The following COL26A1 variants were observed in gnomAD, a reference collection of about 807,000 sequenced individuals.
The protein encoded by COL26A1 is collagen type XXVI alpha 1 chain, also known as collagen alpha-1(XXVI) chain.
A neutral mutation model predicts 59.3 loss-of-function variants in COL26A1; 41 were observed. The observed-to-expected ratio is 0.69, with a 90% CI of 0.54 to 0.90. COL26A1 has a LOEUF of 0.90. COL26A1 is among the 40% of genes least tolerant of loss of function. COL26A1 has a pLI of 0.00. For synonymous variants in COL26A1, 266 were observed against 256.0 expected (o/e 1.04, Z -0.37); for missense variants, 612 against 602.3 (o/e 1.02, Z -0.17).
intron 9 of COL26A1, 119 bp from the exon 10 acceptor site, chr7:101,550,989 C>T (rs576064138): frequency 8.5e-6 from 10 of 1,172,370 alleles, no homozygotes; most frequent in Middle Eastern, 1.9e-4. Flanking sequence ...GGGCCATCCT[C>T]CTCTCCCTTC....
At position 101,476,409 on chromosome 7, in the gene COL26A1, G is replaced by A. The variant is rs77204104; in HGVS notation, c.385+28622G>A. 3.8e-3 allele frequency among the ~76,000 whole-genome samples: 580 copies of A among 152,168 alleles called. 6 individuals are homozygous for A. Among genetic ancestry groups the A allele is most frequent in the Middle Eastern group, 0.017 (5 of 294 alleles). ...TTTTATTCAAGGTTTATCAATTCGG[G>A]CAGTCTTCATTCTATAAAATAGAAT... is the stretch of plus-strand genomic sequence containing the variant. On this transcript the variant is annotated intron_variant, in intron 3 of 12. Coordinates refer to ENST00000313669, the MANE Select transcript of COL26A1 (RefSeq NM_001278563.3).
At chr7:101,427,287 T>C (rs973342964) in intron 2 of COL26A1, among the ~76,000 whole-genome samples, 1 of 152,200 alleles carries the variant, frequency 6.6e-6, no homozygotes, top group African/African-American at 2.4e-5. Flanking sequence ...GGTCTTGAAC[T>C]CCTGGCCTCA....
At chr7:101,523,566 A>G (rs1428557210) in intron 3 of COL26A1, among the ~76,000 whole-genome samples, 1 of 152,192 alleles carries the variant, frequency 6.6e-6, no homozygotes. Flanking sequence ...GGTATGGATT[A>G]GGAGTCAGAT....
chr7:101,530,973 T>C (rs1367051582), intron 3 of COL26A1, among the ~76,000 whole-genome samples: 1 of 152,074 alleles, frequency 6.6e-6, no homozygotes, highest in Non-Finnish European at 1.5e-5. Context: ...TTTTTGTTTT[T>C]TTGTTTTTTT....
chr7:101,514,394 G>A (rs1794986704), intron 3 of COL26A1, among the ~76,000 whole-genome samples: 1 of 152,120 alleles, frequency 6.6e-6, no homozygotes, highest in Non-Finnish European at 1.5e-5. Flanking sequence ...ACGAGATTCT[G>A]TTTCACACCC....
At chr7:101,480,594 G>A (rs984663485) in intron 3 of COL26A1, among the ~76,000 whole-genome samples, 1 of 152,090 alleles carries the variant, frequency 6.6e-6, no homozygotes, top group African/African-American at 2.4e-5. Context: ...TTGACCTTCT[G>A]TACTCGAGTG....
At chr7:101,447,661 C>A in intron 2 of COL26A1, 23 bp from the exon 3 acceptor site, 3 of 1,497,960 alleles carry the variant, frequency 2.0e-6, no homozygotes, top group Non-Finnish European at 2.7e-6. Flanking sequence ...GCTCATGCCC[C>A]CCTGACGCTG....
intron 3 of COL26A1, among the ~76,000 whole-genome samples, chr7:101,497,948 C>G (rs556961905): frequency 3.3e-5 from 5 of 152,158 alleles, no homozygotes; most frequent in Non-Finnish European, 7.3e-5. Context: ...TGCACCACCG[C>G]GCTCTAGCCT....
intron 1 of COL26A1, among the ~76,000 whole-genome samples, chr7:101,407,304 TG>T (rs1320150448): frequency 2.0e-5 from 3 of 152,164 alleles, no homozygotes; most frequent in Non-Finnish European, 2.9e-5. Context: ...GCCTTCACCA[TG>T]GCCCTCCGCT....
At chr7:101,372,368 G>A (rs62465623) in intron 1 of COL26A1, among the ~76,000 whole-genome samples, 7,054 of 152,058 alleles carry the variant, frequency 0.046, 220 homozygotes, top group Non-Finnish European at 0.07. Flanking sequence ...GTTTCTCCAC[G>A]TTGGCCAGGT....
At chr7:101,407,391 C>T (rs1485063467) in intron 1 of COL26A1, among the ~76,000 whole-genome samples, 2 of 152,012 alleles carry the variant, frequency 1.3e-5, no homozygotes, top group African/African-American at 4.8e-5. Flanking sequence ...CAGGTCTGAG[C>T]CTGAGGAGCC....
chr7:101,406,211 T>G (rs551730886), intron 1 of COL26A1, among the ~76,000 whole-genome samples: 1 of 152,340 alleles, frequency 6.6e-6, no homozygotes, highest in African/African-American at 2.4e-5. Context: ...AACTTTTCAA[T>G]TCCTTCCCTG....
chr7:101,447,725 G>T lies in COL26A1; in HGVS notation c.323G>T (p.Arg108Leu). 1 of 1,606,390 alleles carries T rather than the reference G, an allele frequency of 6.2e-7. No individual in the cohort carries two copies. Among genetic ancestry groups the T allele is most frequent in the Non-Finnish European group, 8.5e-7 (1 of 1,176,668 alleles). The change falls in exon 3 of 13, where the codon CGC (arginine) becomes CTC (leucine). Residue 108 changes from arginine to leucine, a missense_variant. By Grantham distance (102) the Arg-to-Leu change is moderately radical. Transcript: ENST00000313669. Reference sequence around the variant, plus strand: ...AGACCCACCTACAGAGTGTCCTACCGCACGGTGACGGTGCTGGAGTGGAGA... The same window carrying T: ...AGACCCACCTACAGAGTGTCCTACCTCACGGTGACGGTGCTGGAGTGGAGA... ...LIRPTYRVSY[R>L]TVTVLEWRCC...
chr7:101,521,910 C>T (rs1218455668), intron 3 of COL26A1, among the ~76,000 whole-genome samples: 2 of 152,086 alleles, frequency 1.3e-5, no homozygotes, highest in African/African-American at 4.8e-5. Context: ...CTTCACCTGA[C>T]GTGTTCTGTG....
At chr7:101,430,986 G>A (rs1430755968) in intron 2 of COL26A1, among the ~76,000 whole-genome samples, 1 of 151,804 alleles carries the variant, frequency 6.6e-6, no homozygotes, top group Non-Finnish European at 1.5e-5. Flanking sequence ...ATTTTTAATA[G>A]AGATGGGGTT....
chr7:101,502,474 A>G (rs1368566040), intron 3 of COL26A1, among the ~76,000 whole-genome samples: 1 of 152,206 alleles, frequency 6.6e-6, no homozygotes, highest in African/African-American at 2.4e-5. Flanking sequence ...TAATGGGGAA[A>G]CTGAGGTTCC....
intron 1 of COL26A1, among the ~76,000 whole-genome samples, chr7:101,391,287 T>C (rs1305389819): frequency 1.3e-5 from 2 of 152,128 alleles, no homozygotes; most frequent in Non-Finnish European, 1.5e-5. Context: ...GCTGGAAGCA[T>C]CCGGGCCTGG....
intron 1 of COL26A1, among the ~76,000 whole-genome samples, chr7:101,369,126 G>C (rs73173752): frequency 6.6e-6 from 1 of 151,976 alleles, no homozygotes; most frequent in African/African-American, 2.4e-5. Context: ...AGCAAAGATG[G>C]GGGGGCATGA....
At chr7:101,367,081 C>A (rs1006015726) in intron 1 of COL26A1, among the ~76,000 whole-genome samples, 4 of 152,244 alleles carry the variant, frequency 2.6e-5, no homozygotes, top group Non-Finnish European at 4.4e-5. Context: ...TTAATTGGAT[C>A]CTCTGCCCCC....
Sources: gnomAD v4.1 joint callset for allele counts (sites outside exome capture counted in the v4.1 genomes callset) on GRCh38, gnomAD v4.1.1 for gene constraint, MANE v1.5 for transcripts, NCBI Gene and HGNC (gene_info 2026-07-23, HGNC 2026-07-21) for gene names.